PTAR1: variants seen among roughly 807,000 people sequenced by gnomAD.
The protein encoded by PTAR1 is protein prenyltransferase alpha subunit repeat containing 1.
Under a neutral mutation model 45.5 loss-of-function variants are expected in PTAR1, and 17 were observed. The observed-to-expected ratio is 0.37, with a 90% CI of 0.26 to 0.56. PTAR1 has a LOEUF of 0.56. Ranked by LOEUF, PTAR1 falls within the 20% of genes least tolerant of loss-of-function variation. The probability of loss-of-function intolerance (pLI) is 0.77; values close to 1 mark genes in which losing one functional copy is unlikely to be tolerated. For missense variants in PTAR1, 391 were observed against 476.3 expected, an observed-to-expected ratio of 0.82 and a Z score of 1.67; for synonymous variants, 169 against 171.3, an observed-to-expected ratio of 0.99 and a Z score of 0.11.
intron 5 of PTAR1, among the ~76,000 whole-genome samples, chr9:69,728,809 T>C (rs1825399851): frequency 6.6e-6 from 1 of 152,196 alleles, no homozygotes; most frequent in African/African-American, 2.4e-5. Flanking sequence ...ATTAGTGTCA[T>C]AATTCCACCC....
chr9:69,758,137 G>A (rs1051196434), intron 1 of PTAR1: 3 of 152,160 alleles, frequency 2.0e-5, no homozygotes, highest in African/African-American at 7.2e-5. Context: ...TCCTTTAAGA[G>A]TTTCCATAAA....
At chr9:69,758,160 G>A (rs1434860485) in intron 1 of PTAR1, 1 of 152,190 alleles carries the variant, frequency 6.6e-6, no homozygotes. Context: ...TGATCCACAA[G>A]AACTGGGACA....
intron 3 of PTAR1, chr9:69,741,544 A>G: frequency 2.3e-6 from 1 of 439,578 alleles, no homozygotes; most frequent in South Asian, 3.4e-5. Context: ...AGGAAAATAA[A>G]AGCATGTATC....
Position 69,732,266 on chromosome 9 carries a change from C to G in PTAR1, c.515G>C (p.Arg172Thr), listed in dbSNP as rs999893482. Residue 172 changes from arginine to threonine, a missense_variant, in exon 5 of 8, where the codon AGG becomes ACG. By Grantham distance (71) the Arg-to-Thr change is moderately conservative (BLOSUM62 -1). Coordinates refer to ENST00000340434, the MANE Select transcript of PTAR1 (RefSeq NM_001099666.2). ...CTCTTCTTGTATGAGTCGCTGTGCC[C>G]TTTCTGTGGGAATTGTTCCCAAGTT... ...KGNLGTIPTERAQRLIQEEME... is the reference protein window; with the variant it reads ...KGNLGTIPTETAQRLIQEEME... The G allele has an allele frequency of 2.5e-6, 4 of 1,613,736 alleles. No homozygotes were observed. The Admixed American group carries it at 6.7e-5, about 27-fold the overall frequency.
chr9:69,734,719 G>A (rs1283189148), intron 3 of PTAR1, among the ~76,000 whole-genome samples: 4 of 151,756 alleles, frequency 2.6e-5, no homozygotes, highest in Non-Finnish European at 5.9e-5. Context: ...ATATGGTTGA[G>A]ATGTAAGGGA....
chr9:69,740,409 GGTGT>G (rs146447813), intron 3 of PTAR1, among the ~76,000 whole-genome samples: 135 of 150,138 alleles, frequency 9.0e-4, no homozygotes, highest in African/African-American at 2.3e-3. Flanking sequence ...TATGTATACA[GGTGT>G]GTGTGTGTGT....
In PTAR1 at chr9:69,717,097, T is replaced by C. The variant is rs555409243; in HGVS notation, c.*1245A>G. ...AAGATACGGCTATAATGTGGATACT[T>C]TGGTACCTCATCCCTGATTAAGTTC... is the stretch of plus-strand genomic sequence containing the variant. On this transcript the variant is annotated 3_prime_UTR_variant, in exon 8 of 8. Transcript: ENST00000340434. 3.3e-5 allele frequency: 5 copies of C among 152,300 alleles called. No individual in the cohort carries two copies. The East Asian group carries it at 5.8e-4, about 18-fold the overall frequency. The allele number at this position is 152,300 out of a possible 1,614,324, so 9.4% of individuals were successfully genotyped here. A position where few individuals can be genotyped will look rare whatever the true frequency, so the allele number is the denominator to read the frequency against.
rs147785309 is a variant in PTAR1, at chr9:69,751,097, C to T, written c.87-147G>A. The T allele has an allele frequency of 3.0e-3, 1,870 of 624,684 alleles. 27 individuals are homozygous for T. Among genetic ancestry groups the T allele is most frequent in the African/African-American group, 0.027 (1,474 of 54,240 alleles). The allele number at this position is 624,684 out of a possible 1,614,324, so 38.7% of individuals were successfully genotyped here. A position where few individuals can be genotyped will look rare whatever the true frequency, so the allele number is the denominator to read the frequency against. ...GCTCACTTACTGGGATTGGTAGATG[C>T]TAATAGTGGCAAGAGTATGAGAAAA... On this transcript the variant is annotated intron_variant, in intron 1 of 7. Coordinates refer to ENST00000340434, the MANE Select transcript of PTAR1 (RefSeq NM_001099666.2).
intron 1 of PTAR1, chr9:69,757,183 C>T (rs913023419): frequency 2.0e-5 from 3 of 152,160 alleles, no homozygotes; most frequent in Admixed American, 1.3e-4. Flanking sequence ...TTAATTTTAA[C>T]GTGACTGTTT....
intron 2 of PTAR1, among the ~76,000 whole-genome samples, chr9:69,746,390 T>C (rs1171279223): frequency 6.6e-6 from 1 of 152,232 alleles, no homozygotes; most frequent in African/African-American, 2.4e-5. Flanking sequence ...TCTGCTGTCC[T>C]GCAAAGCAGA....
intron 3 of PTAR1, among the ~76,000 whole-genome samples, chr9:69,740,007 T>C (rs938308318): frequency 5.9e-5 from 9 of 152,104 alleles, no homozygotes; most frequent in Non-Finnish European, 1.2e-4. Flanking sequence ...TTCACCTAAT[T>C]CAAATCTTTT....
rs1824745374 is a variant in PTAR1, at chr9:69,716,845, G to GA, written c.*1496_*1497insT. 6.6e-6 allele frequency: 1 copy of GA among 152,008 alleles called. No homozygotes were observed. The highest frequency in any genetic ancestry group is 2.4e-5 in the African/African-American group (1 of 41,406). The allele number at this position is 152,008 out of a possible 1,614,324, so 9.4% of individuals were successfully genotyped here. ...GAGGTATGAAATTCATTGCAAATAG[G>GA]GGGTAGAAATCTTGAAGACACACCC... is the stretch of plus-strand genomic sequence containing the variant. On this transcript the variant is annotated 3_prime_UTR_variant, in exon 8 of 8. Transcript: ENST00000340434.
chr9:69,722,736 C>T lies in PTAR1; in HGVS notation c.947+590G>A, dbSNP rs376119577. Among the ~76,000 whole-genome samples the T allele has an allele frequency of 7.4e-4, 112 of 151,680 alleles. 1 individual carries two copies. In the South Asian group the frequency reaches 0.022, roughly 30 times the overall value. ...GGCAGATCACCTGAGGTCAGGAGTT[C>T]GAGACCAGCCTGGCCAACATGGTGA... On this transcript the variant is annotated intron_variant, in intron 6 of 7. Coordinates refer to ENST00000340434, the MANE Select transcript of PTAR1 (RefSeq NM_001099666.2).
chr9:69,739,981 T>C (rs1258461912), intron 3 of PTAR1, among the ~76,000 whole-genome samples: 1 of 152,144 alleles, frequency 6.6e-6, no homozygotes, highest in Admixed American at 6.5e-5. Flanking sequence ...AAAAGTTTAA[T>C]AGAATCATAA....
intron 1 of PTAR1, among the ~76,000 whole-genome samples, chr9:69,756,795 A>C (rs979960575): frequency 6.6e-6 from 1 of 152,134 alleles, no homozygotes; most frequent in Non-Finnish European, 1.5e-5. Context: ...CTTTTACTAT[A>C]AACTACTTTG....
intron 1 of PTAR1, among the ~76,000 whole-genome samples, chr9:69,754,210 A>G (rs2134172086): frequency 6.6e-6 from 1 of 152,216 alleles, no homozygotes; most frequent in South Asian, 2.1e-4. Context: ...ATCATTTTAA[A>G]GTTGGAAGGG....
rs752994734 is a variant in PTAR1, at chr9:69,734,186, G to A, written c.392C>T (p.Thr131Ile). The change falls in exon 4 of 8, where the codon ACC (threonine) becomes ATC (isoleucine). Residue 131 changes from threonine (T) to isoleucine (I), a missense_variant. Thr to Ile is a moderately conservative substitution (Grantham distance 89). Coordinates refer to ENST00000340434, the MANE Select transcript of PTAR1 (RefSeq NM_001099666.2). ...TGTTTCTGGACTCTTTGGAAACTTG[G>A]TTAAGGCGAGTTTTCCCAGATGTAA... The part of the protein sequence containing the change: ...KDLHLGKLAL[T>I]KFPKSPETWI... The A allele has an allele frequency of 6.5e-7, 1 of 1,532,878 alleles. No homozygotes were observed. The highest frequency in any genetic ancestry group is 1.8e-5 in the Admixed American group (1 of 55,478). 95.0% of individuals were successfully genotyped at this position (1,532,878 alleles called of 1,614,324 possible).
intron 1 of PTAR1, among the ~76,000 whole-genome samples, chr9:69,754,397 A>G (rs1826667431): frequency 6.6e-6 from 1 of 151,884 alleles, no homozygotes; most frequent in African/African-American, 2.4e-5. Flanking sequence ...AATTCCTTCT[A>G]TTTTTCTGGA....
intron 1 of PTAR1, among the ~76,000 whole-genome samples, chr9:69,752,996 G>A (rs1010753473): frequency 1.3e-5 from 2 of 152,062 alleles, no homozygotes; most frequent in African/African-American, 4.8e-5. Flanking sequence ...TAAACTCAAT[G>A]TGATTATTTC....
Sources: allele counts gnomAD v4.1 joint callset (sites outside exome capture counted in the v4.1 genomes callset), GRCh38; gene constraint gnomAD v4.1.1; transcripts MANE v1.5; gene names NCBI Gene and HGNC (gene_info 2026-07-23, HGNC 2026-07-21).